RABEPK: variants seen among roughly 807,000 people sequenced by gnomAD.
RABEPK encodes the protein Rab9 effector protein with kelch motifs.
In RABEPK, 27 loss-of-function variants were observed where a neutral mutation model predicts 34.1. That is an observed-to-expected ratio of 0.79 (90% confidence interval 0.58 to 1.09). RABEPK has a LOEUF of 1.09. Ranked by LOEUF, RABEPK falls within the 50% of genes least tolerant of loss-of-function variation. RABEPK has a pLI of 0.00. For synonymous variants in RABEPK, 172 were observed against 169.2 expected, an observed-to-expected ratio of 1.02 and a Z score of -0.13; for missense variants, 449 against 462.6, an observed-to-expected ratio of 0.97 and a Z score of 0.27.
intron 2 of RABEPK, among the ~76,000 whole-genome samples, chr9:125,204,491 A>G (rs1564171765): frequency 6.6e-6 from 1 of 151,798 alleles, no homozygotes; most frequent in Non-Finnish European, 1.5e-5. Flanking sequence ...CTGAGGCAGG[A>G]CAATTCTTGA....
chr9:125,225,850 C>A, intron 5 of RABEPK, among the ~76,000 whole-genome samples: 1 of 151,872 alleles, frequency 6.6e-6, no homozygotes, highest in East Asian at 1.9e-4. Context: ...GTAATCCCAG[C>A]TACTTGGGAG....
intron 4 of RABEPK, among the ~76,000 whole-genome samples, chr9:125,215,001 G>A (rs998931375): frequency 1.3e-5 from 2 of 151,972 alleles, no homozygotes; most frequent in African/African-American, 4.8e-5. Context: ...TGTTAGCCAG[G>A]CTGGTCTCAA....
chr9:125,209,210 G>A (rs1379897031), intron 3 of RABEPK, among the ~76,000 whole-genome samples: 1 of 151,504 alleles, frequency 6.6e-6, no homozygotes, highest in East Asian at 1.9e-4. Context: ...ACAGGTGTGC[G>A]CCACCATGCC....
At chr9:125,225,688 T>A (rs1303915959) in intron 5 of RABEPK, among the ~76,000 whole-genome samples, 1 of 146,296 alleles carries the variant, frequency 6.8e-6, no homozygotes, top group Non-Finnish European at 1.5e-5. Flanking sequence ...GGGCCAGGAG[T>A]GGTGGCTAAC....
intron 6 of RABEPK, among the ~76,000 whole-genome samples, chr9:125,230,876 A>G (rs2131436434): frequency 6.6e-6 from 1 of 152,154 alleles, no homozygotes; most frequent in African/African-American, 2.4e-5. Flanking sequence ...CCTTGCGGGC[A>G]GTCAGATGGG....
At chr9:125,228,550 G>A (rs1034307273) in intron 6 of RABEPK, among the ~76,000 whole-genome samples, 21 of 151,264 alleles carry the variant, frequency 1.4e-4, no homozygotes, top group African/African-American at 4.9e-4. Context: ...TCCCAGCTAC[G>A]TTGGTGCCTG....
chr9:125,230,636 T>C (rs1244271413), intron 6 of RABEPK, among the ~76,000 whole-genome samples: 2 of 151,078 alleles, frequency 1.3e-5, no homozygotes, highest in Non-Finnish European at 2.9e-5. Context: ...CCCGGGTTCA[T>C]GCCATTCTCC....
At chr9:125,204,030 TCAA>T (rs1390945199) in intron 2 of RABEPK, among the ~76,000 whole-genome samples, 2 of 84,820 alleles carry the variant, frequency 2.4e-5, no homozygotes, top group Non-Finnish European at 4.7e-5. Flanking sequence ...AGAATCCGTT[TCAA>T]AAAAAAAAAA....
At chr9:125,205,333 C>G (rs899806827) in intron 2 of RABEPK, among the ~76,000 whole-genome samples, 1 of 152,182 alleles carries the variant, frequency 6.6e-6, no homozygotes, top group African/African-American at 2.4e-5. Context: ...CTTTTCCCAA[C>G]TAGTCTGTAA....
At chr9:125,231,568 C>T (rs374145532) in intron 6 of RABEPK, among the ~76,000 whole-genome samples, 1 of 151,818 alleles carries the variant, frequency 6.6e-6, no homozygotes, top group South Asian at 2.1e-4. Context: ...TCTGGGAGGC[C>T]GAGGTGGGTG....
intron 5 of RABEPK, among the ~76,000 whole-genome samples, chr9:125,224,216 A>AC (rs1285687224): frequency 2.0e-5 from 3 of 151,558 alleles, no homozygotes; most frequent in African/African-American, 4.8e-5. Flanking sequence ...AACAAAACAA[A>AC]AAAAAAAAAC....
At chr9:125,216,437 A>G (rs776182008) in intron 4 of RABEPK, among the ~76,000 whole-genome samples, 5 of 152,102 alleles carry the variant, frequency 3.3e-5, no homozygotes, top group Non-Finnish European at 5.9e-5. Context: ...AAACTATTGT[A>G]CAATAGTTGG....
At chr9:125,233,207 GT>G (rs1167752921) in intron 7 of RABEPK, among the ~76,000 whole-genome samples, 2 of 151,496 alleles carry the variant, frequency 1.3e-5, no homozygotes, top group East Asian at 1.9e-4. Flanking sequence ...CTGCCATAAG[GT>G]TTTTTTCCTT....
At position 125,233,908 on chromosome 9, in the gene RABEPK, CTGTTTGG is replaced by C. The variant is rs763661298; in HGVS notation, c.1057_1063del (p.Phe353GlyfsTer2). 24 of 1,613,480 alleles carry C rather than the reference CTGTTTGG, an allele frequency of 1.5e-5. No homozygotes were observed. The South Asian group carries it at 2.1e-4, about 14-fold the overall frequency. On this transcript the variant is annotated frameshift_variant, in exon 8 of 8. Coordinates refer to ENST00000373538, the MANE Select transcript of RABEPK (RefSeq NM_005833.4). LOFTEE classifies it high-confidence loss of function. ...AGGAAAGCCAGACTGCTACACTGCT[CTGTTTGG>C]TGTTTGGTGGGATGAATACAGAAGG...
chr9:125,222,494 C>G (rs1035152197), intron 5 of RABEPK: 1 of 151,512 alleles, frequency 6.6e-6, no homozygotes, highest in Non-Finnish European at 1.5e-5. Context: ...GGGCAGATTA[C>G]TTGAGGTCAG....
At chr9:125,221,159 C>CAAAT (rs56284068) in intron 5 of RABEPK, 9,169 of 143,656 alleles carry the variant, frequency 0.064, 392 homozygotes, top group East Asian at 0.12. Context: ...TACTCCATCT[C>CAAAT]AAATAAATAA....
intron 6 of RABEPK, among the ~76,000 whole-genome samples, chr9:125,231,495 C>T (rs1215914500): frequency 6.6e-6 from 1 of 151,902 alleles, no homozygotes; most frequent in African/African-American, 2.4e-5. Context: ...CTTGTTTGCT[C>T]ATTTGTAAGA....
At chr9:125,231,218 C>T (rs923820412) in intron 6 of RABEPK, among the ~76,000 whole-genome samples, 3 of 151,874 alleles carry the variant, frequency 2.0e-5, no homozygotes, top group African/African-American at 4.8e-5. Flanking sequence ...CGCTTGAATC[C>T]GGGAGGTGGA....
chr9:125,223,108 T>C (rs913157677), intron 5 of RABEPK, among the ~76,000 whole-genome samples: 3 of 152,094 alleles, frequency 2.0e-5, no homozygotes, highest in African/African-American at 7.2e-5. Flanking sequence ...GGTGAAACCC[T>C]GTCTCTACTA....
Sources: allele counts gnomAD v4.1 joint callset (sites outside exome capture counted in the v4.1 genomes callset), GRCh38; gene constraint gnomAD v4.1.1; transcripts MANE v1.5; gene names NCBI Gene and HGNC (gene_info 2026-07-23, HGNC 2026-07-21).